NARF: variants seen among roughly 807,000 people sequenced by gnomAD.
NARF encodes iron-only hydrogenase-like protein 2.
NARF carries 41 observed loss-of-function variants against 48.0 expected under a neutral mutation model. That is an observed-to-expected ratio of 0.85 (90% CI 0.66 to 1.11). The LOEUF (loss-of-function observed/expected upper bound fraction) is 1.11, where lower values mean the gene tolerates loss of function less well. NARF is among the 50% of genes least tolerant of loss of function. The pLI is 0.00. For synonymous variants in NARF, 215 were observed against 225.5 expected (o/e 0.95, Z 0.42); for missense variants, 613 against 590.2 (o/e 1.04, Z -0.40).
chr17:82,471,973 G>A (rs1216095963), intron 4 of NARF, among the ~76,000 whole-genome samples: 1 of 152,012 alleles, frequency 6.6e-6, no homozygotes, highest in Non-Finnish European at 1.5e-5. Context: ...AAAATGTAGA[G>A]AGGGAAGAAG....
chr17:82,478,748 G>A, intron 5 of NARF, 52 bp from the exon 6 acceptor site: 1 of 1,542,178 alleles, frequency 6.5e-7, no homozygotes. Context: ...TGCGTTACAG[G>A]AAGACCAGAG....
chr17:82,474,311 A>G (rs1266246337), intron 5 of NARF, among the ~76,000 whole-genome samples: 3 of 152,222 alleles, frequency 2.0e-5, no homozygotes, highest in East Asian at 1.9e-4. Flanking sequence ...ATTTCTTTAC[A>G]TTGATATTCA....
At position 82,468,353 on chromosome 17, in the gene NARF, CT is replaced by C. The variant is rs61179712; in HGVS notation, c.253-401del. The stretch of plus-strand genomic sequence containing the variant: ...TAGCCTGGGCAACAAGGGTGAAACT[CT>C]TTTTTTTTTGAGACAGAGTATTACT... On this transcript the variant is annotated intron_variant, in intron 3 of 10. Coordinates refer to ENST00000309794, the MANE Select transcript of NARF (RefSeq NM_012336.4). 41 of 140,540 alleles carry C rather than the reference CT, an allele frequency of 2.9e-4. 1 individual carries two copies. Among genetic ancestry groups the C allele is most frequent in the Non-Finnish European group, 4.9e-4 (32 of 65,228 alleles). 8.7% of individuals were successfully genotyped at this position (140,540 alleles called of 1,614,324 possible).
chr17:82,464,319 G>T lies in NARF; in HGVS notation c.141G>T (p.Lys47Asn). The T allele has an allele frequency of 6.2e-7, 1 of 1,613,810 alleles. No homozygotes were observed. The highest frequency in any genetic ancestry group is 8.5e-7 in the Non-Finnish European group (1 of 1,179,854). Residue 47 changes from lysine (K) to asparagine (N), a missense_variant, in exon 3 of 11, where the codon AAG (lysine) becomes AAT (asparagine). Lys to Asn is a moderately conservative substitution (Grantham distance 94). Coordinates refer to ENST00000309794, the MANE Select transcript of NARF (RefSeq NM_012336.4). ...AATTCCACAAGTTGGCTGATGCCAA[G>T]ATATTTTTGAGCGACTGCCTGGCAT... ...KGEFHKLADA[K>N]IFLSDCLACD...
chr17:82,459,600 C>CA (rs1394087109), intron 1 of NARF, among the ~76,000 whole-genome samples: 3 of 152,242 alleles, frequency 2.0e-5, no homozygotes, highest in African/African-American at 7.2e-5. Context: ...CACGGTGGCT[C>CA]AAGCCTGTTA....
chr17:82,483,799 AGAGTCCTCTGGGGG>A lies in NARF; in HGVS notation c.833+22_833+35del, dbSNP rs773798609. Reference sequence around the variant, plus strand: ...CACTCTGTAAGTGGCTTCTCTGGGGAGAGTCCTCTGGGGGGCAGGACCTCTCGTCAGCCCTGCCA... The same window carrying A: ...CACTCTGTAAGTGGCTTCTCTGGGGAGCAGGACCTCTCGTCAGCCCTGCCA... On this transcript the variant is annotated intron_variant, in intron 8 of 10. Transcript: ENST00000309794. 1.2e-6 allele frequency: 2 copies of A among 1,611,926 alleles called. No individual in the cohort carries two copies. The highest frequency in any genetic ancestry group is 1.7e-6 in the Non-Finnish European group (2 of 1,179,048).
Position 82,483,776 on chromosome 17 carries a change from C to G in NARF, c.830C>G (p.Thr277Ser), listed in dbSNP as rs749384166. Residue 277 changes from threonine to serine, a missense_variant, in exon 8 of 11, where the codon ACT (threonine) becomes AGT (serine). Coordinates refer to ENST00000309794, the MANE Select transcript of NARF (RefSeq NM_012336.4). ...TCAGTGAGAGATGCTGCCGTCGACA[C>G]TCTGTAAGTGGCTTCTCTGGGGAGA... ...DLSVRDAAVD[T>S]LFGDLKEDKV... is the part of the protein sequence containing the mutation. The G allele has an allele frequency of 2.5e-6, 4 of 1,613,560 alleles. No individual in the cohort carries two copies. In the East Asian group the frequency reaches 6.7e-5, roughly 27 times the overall value.
intron 5 of NARF, among the ~76,000 whole-genome samples, chr17:82,474,378 G>C (rs1056821593): frequency 6.6e-6 from 1 of 152,184 alleles, no homozygotes; most frequent in African/African-American, 2.4e-5. Flanking sequence ...GGATGCCTGA[G>C]TTATAGAAGA....
chr17:82,485,549 C>T lies in NARF; in HGVS notation c.1024C>T (p.Arg342Cys), dbSNP rs368049140. The change falls in exon 10 of 11, where the codon CGC becomes TGC. Residue 342 changes from arginine to cysteine, a missense_variant. Coordinates refer to ENST00000309794, the MANE Select transcript of NARF (RefSeq NM_012336.4). ...TGAGAAGAACGGAGAGGTGGTGTTA[C>T]GCTTTGCTGCAGCCTATGGCTTTCG... Reference protein sequence around the residue: ...TLEKNGEVVLRFAAAYGFRNI... With the variant: ...TLEKNGEVVLCFAAAYGFRNI... The T allele has an allele frequency of 3.0e-5, 49 of 1,614,128 alleles. No homozygotes were observed. The highest frequency in any genetic ancestry group is 4.0e-5 in the African/African-American group (3 of 74,954).
chr17:82,462,623 A>T (rs2043465679), intron 2 of NARF: 1 of 152,472 alleles, frequency 6.6e-6, no homozygotes, highest in African/African-American at 2.4e-5. Context: ...GTTTGGTGAG[A>T]GCACTCCGCT....
upstream of NARF, chr17:82,458,685 G>A: frequency 7.5e-7 from 1 of 1,327,806 alleles, no homozygotes; most frequent in Non-Finnish European, 9.7e-7. Flanking sequence ...GCGGCCGTTG[G>A]GGGTGAGGCC....
intron 2 of NARF, chr17:82,463,213 C>T (rs1252501122): frequency 6.6e-6 from 1 of 152,170 alleles, no homozygotes; most frequent in African/African-American, 2.4e-5. Flanking sequence ...TGAGGAGCTT[C>T]TGTAATTTAT....
chr17:82,486,344 G>GC (rs1352915022), intron 10 of NARF, among the ~76,000 whole-genome samples: 1 of 152,166 alleles, frequency 6.6e-6, no homozygotes, highest in African/African-American at 2.4e-5. Context: ...GTGAGTCGGG[G>GC]GGGGCACCAC....
intron 2 of NARF, among the ~76,000 whole-genome samples, chr17:82,461,407 T>C (rs111410543): frequency 0.024 from 3,561 of 151,044 alleles, 55 homozygotes; most frequent in Admixed American, 0.046. Flanking sequence ...AGGTCAGGAG[T>C]TCAAGATCAG....
chr17:82,485,976 T>C (rs1189121144), intron 10 of NARF, among the ~76,000 whole-genome samples: 2 of 152,192 alleles, frequency 1.3e-5, no homozygotes, highest in Non-Finnish European at 2.9e-5. Context: ...CTGCCCTGCC[T>C]AGGAGAAACA....
Position 82,485,033 on chromosome 17 carries a change from G to A in NARF, c.971+83G>A, listed in dbSNP as rs1311256030. On this transcript the variant is annotated intron_variant, in intron 9 of 10. Coordinates refer to ENST00000309794, the MANE Select transcript of NARF (RefSeq NM_012336.4). Reference sequence around the variant, plus strand: ...GCCTGTATGGATCTGTGCATGTGGCGGTTCTATGGATGGAGTTTACACTAG... The same window carrying A: ...GCCTGTATGGATCTGTGCATGTGGCAGTTCTATGGATGGAGTTTACACTAG... 4 of 1,445,490 alleles carry A rather than the reference G, an allele frequency of 2.8e-6. No individual in the cohort carries two copies. In the South Asian group the frequency reaches 4.6e-5, roughly 17 times the overall value. The allele number at this position is 1,445,490 out of a possible 1,614,324, so 89.5% of individuals were successfully genotyped here.
At chr17:82,477,351 A>G (rs1456587612) in intron 5 of NARF, among the ~76,000 whole-genome samples, 1 of 151,878 alleles carries the variant, frequency 6.6e-6, no homozygotes, top group African/African-American at 2.4e-5. Flanking sequence ...TAAAAATACA[A>G]AAATTGGCCA....
chr17:82,487,977 G>A lies in NARF; in HGVS notation c.1191G>A (p.Leu397=), dbSNP rs202000063. Residue 397 remains leucine, a synonymous_variant, in exon 11 of 11, where the codon CTG becomes CTA. Coordinates refer to ENST00000309794, the MANE Select transcript of NARF (RefSeq NM_012336.4). ...TPDGHADKAL[L]RQMEGIYADI... The stretch of plus-strand genomic sequence containing the variant: ...ACGGACATGCGGATAAGGCCCTGCT[G>A]CGGCAGATGGAAGGCATTTACGCTG... 39 of 1,614,210 alleles carry A rather than the reference G, an allele frequency of 2.4e-5. No homozygotes were observed. Among genetic ancestry groups the A allele is most frequent in the East Asian group, 1.6e-4 (7 of 44,878 alleles).
chr17:82,474,220 C>G (rs2043782270), intron 5 of NARF, among the ~76,000 whole-genome samples: 1 of 152,128 alleles, frequency 6.6e-6, no homozygotes, highest in Admixed American at 6.6e-5. Context: ...CAACATATCT[C>G]AGATGTACAA....
Sources: gnomAD v4.1 joint callset for allele counts (sites outside exome capture counted in the v4.1 genomes callset) on GRCh38, gnomAD v4.1.1 for gene constraint, MANE v1.5 for transcripts, NCBI Gene and HGNC (gene_info 2026-07-23, HGNC 2026-07-21) for gene names.